ASAP1: variants seen among roughly 807,000 people sequenced by gnomAD.
ASAP1 encodes arf-GAP with SH3 domain, ANK repeat and PH domain-containing protein 1.
ASAP1 carries 43 observed loss-of-function variants against 145.2 expected under a neutral mutation model. That is an observed-to-expected ratio of 0.30 (90% CI 0.23 to 0.38). The LOEUF is 0.38. ASAP1 is among the 10% of genes least tolerant of loss of function. The pLI is 1.00. For synonymous variants in ASAP1, 546 were observed against 515.5 expected (o/e 1.06, Z -0.80); for missense variants, 1,018 against 1,355.3 (o/e 0.75, Z 3.91).
rs142146203 is a variant in ASAP1 at position 130,094,933 on chromosome 8, CAA to C, written c.2402-2792_2402-2791del. 7.9e-3 allele frequency among the ~76,000 whole-genome samples: 1,201 copies of C among 152,220 alleles called. 15 individuals carry two copies. The highest frequency in any genetic ancestry group is 0.028 in the African/African-American group (1,155 of 41,518). ...TTCCCTGCTAGGAAACAAAAATTGTCAAAGACAAAATGCTAATGGAGCCATGT... is the reference window on the plus strand; with the variant it reads ...TTCCCTGCTAGGAAACAAAAATTGTCAGACAAAATGCTAATGGAGCCATGT... On this transcript the variant is annotated intron_variant, in intron 24 of 29. Coordinates refer to ENST00000518721, the MANE Select transcript of ASAP1 (RefSeq NM_018482.4).
intron 3 of ASAP1, among the ~76,000 whole-genome samples, chr8:130,286,223 T>C (rs1163310006): frequency 6.6e-6 from 1 of 152,234 alleles, no homozygotes; most frequent in Admixed American, 6.5e-5. Flanking sequence ...TACATTGCAC[T>C]GTTTCTTATA....
In ASAP1 at chr8:130,092,038, C is replaced by T; in HGVS notation, c.2507G>A (p.Arg836Lys). 3.8e-6 allele frequency: 6 copies of T among 1,576,818 alleles called. No homozygotes were observed. Among genetic ancestry groups the T allele is most frequent in the Non-Finnish European group, 5.1e-6 (6 of 1,165,750 alleles). Residue 836 changes from arginine to lysine, a missense_variant, in exon 25 of 30, where the codon AGA (arginine) becomes AAA (lysine). Arg to Lys is a conservative substitution (Grantham distance 26, BLOSUM62 2). This residue lies in a region of ASAP1 where 353 missense variants were observed against 375.4 expected (regional missense o/e 0.94). Coordinates refer to ENST00000518721, the MANE Select transcript of ASAP1 (RefSeq NM_018482.4). Reference protein sequence around the residue: ...RPPPPPPGHKRTLSDPPSPLP... With the variant: ...RPPPPPPGHKKTLSDPPSPLP... ...TGGGCTGGGAGGGTCGGATAGGGTTCTCTTGTGTCCGGGTGGTGGGGGAGG... is the reference window on the plus strand; with the variant it reads ...TGGGCTGGGAGGGTCGGATAGGGTTTTCTTGTGTCCGGGTGGTGGGGGAGG...
chr8:130,053,208 A>T lies in ASAP1; in HGVS notation c.*1523T>A, dbSNP rs1487758951. 6.6e-6 allele frequency: 1 copy of T among 152,216 alleles called. No homozygotes were observed. Among genetic ancestry groups the T allele is most frequent in the African/African-American group, 2.4e-5 (1 of 41,452 alleles). The allele number at this position is 152,216 out of a possible 1,614,324, so 9.4% of individuals were successfully genotyped here. A position where few individuals can be genotyped will look rare whatever the true frequency, so the allele number is the denominator to read the frequency against. ...GGAGTTGTGCTTCTGTGAAATTAAC[A>T]TCTCTCACTCATTGCCAAGATTCTC... On this transcript the variant is annotated 3_prime_UTR_variant, in exon 30 of 30. Coordinates refer to ENST00000518721, the MANE Select transcript of ASAP1 (RefSeq NM_018482.4).
chr8:130,207,171 T>C (rs1261976640), intron 5 of ASAP1, among the ~76,000 whole-genome samples: 2 of 151,954 alleles, frequency 1.3e-5, no homozygotes, highest in Non-Finnish European at 2.9e-5. Flanking sequence ...GCACTCAAAG[T>C]GGAAGGAATG....
chr8:130,215,088 G>T (rs977854679), intron 4 of ASAP1, among the ~76,000 whole-genome samples: 2 of 151,860 alleles, frequency 1.3e-5, no homozygotes, highest in Non-Finnish European at 2.9e-5. Context: ...TTTTAGTAGA[G>T]ACAGGGTTTC....
chr8:130,177,933 A>G (rs1814079400), intron 9 of ASAP1, among the ~76,000 whole-genome samples: 1 of 152,200 alleles, frequency 6.6e-6, no homozygotes, highest in African/African-American at 2.4e-5. Context: ...ACAGAATCGT[A>G]ACCCAGCTTG....
At chr8:130,151,848 C>T (rs1473870733) in intron 13 of ASAP1, among the ~76,000 whole-genome samples, 1 of 152,204 alleles carries the variant, frequency 6.6e-6, no homozygotes, top group East Asian at 1.9e-4. Flanking sequence ...AGAAAGGCCA[C>T]AAGGACTAAT....
intron 24 of ASAP1, among the ~76,000 whole-genome samples, chr8:130,102,635 T>G (rs534252756): frequency 6.6e-6 from 1 of 152,208 alleles, no homozygotes; most frequent in African/African-American, 2.4e-5. Context: ...AAAATTCCTT[T>G]GTCTTCAATT....
At chr8:130,257,793 C>T in intron 3 of ASAP1, among the ~76,000 whole-genome samples, 1 of 144,894 alleles carries the variant, frequency 6.9e-6, no homozygotes, top group African/African-American at 2.5e-5. Flanking sequence ...AGCACCCCCC[C>T]CCCATTATTT....
intron 5 of ASAP1, among the ~76,000 whole-genome samples, chr8:130,214,148 A>G (rs1031929810): frequency 9.2e-5 from 14 of 152,200 alleles, no homozygotes; most frequent in African/African-American, 2.9e-4. Context: ...AATACTTTCA[A>G]TGTGTATTTC....
intron 3 of ASAP1, among the ~76,000 whole-genome samples, chr8:130,274,328 G>T (rs1452167544): frequency 6.6e-6 from 1 of 152,186 alleles, no homozygotes; most frequent in African/African-American, 2.4e-5. Context: ...GCATTTTTCA[G>T]TAAGTCCAAG....
chr8:130,135,415 G>A (rs762397059), intron 14 of ASAP1, among the ~76,000 whole-genome samples: 8 of 152,142 alleles, frequency 5.3e-5, no homozygotes, highest in Non-Finnish European at 1.5e-5. Context: ...AGCCCAGGAG[G>A]TTGAGGCTGC....
At chr8:130,304,515 G>T (rs373418546) in intron 3 of ASAP1, among the ~76,000 whole-genome samples, 1 of 152,272 alleles carries the variant, frequency 6.6e-6, no homozygotes, top group East Asian at 1.9e-4. Context: ...CAACCTTCAC[G>T]CATCTGCACT....
At chr8:130,214,452 C>A in intron 5 of ASAP1, 104 bp downstream of exon 5, 1 of 1,233,252 alleles carries the variant, frequency 8.1e-7, no homozygotes, top group Non-Finnish European at 1.1e-6. Context: ...TTTCTCACCC[C>A]TAGGACCAAG....
At chr8:130,200,002 T>G (rs1303443365) in intron 5 of ASAP1, among the ~76,000 whole-genome samples, 1 of 152,190 alleles carries the variant, frequency 6.6e-6, no homozygotes, top group Admixed American at 6.5e-5. Flanking sequence ...CTGAAATATT[T>G]CAACAAAGTG....
intron 3 of ASAP1, among the ~76,000 whole-genome samples, chr8:130,345,548 A>T (rs1034867660): frequency 6.6e-6 from 1 of 152,156 alleles, no homozygotes; most frequent in African/African-American, 2.4e-5. Context: ...CTAATACCAA[A>T]GCAAGGCAGG....
chr8:130,164,257 T>C (rs543435847), intron 11 of ASAP1, among the ~76,000 whole-genome samples: 10 of 152,308 alleles, frequency 6.6e-5, no homozygotes, highest in South Asian at 4.1e-4. Flanking sequence ...TTTGGAATAA[T>C]TCTGTATATC....
At chr8:130,220,316 G>T (rs77773581) in intron 4 of ASAP1, among the ~76,000 whole-genome samples, 14,948 of 152,056 alleles carry the variant, frequency 0.098, 874 homozygotes, top group South Asian at 0.26. Context: ...CTAGTTTGTT[G>T]GGTATTGACT....
intron 13 of ASAP1, among the ~76,000 whole-genome samples, chr8:130,146,728 G>A (rs2135911562): frequency 6.6e-6 from 1 of 152,162 alleles, no homozygotes; most frequent in East Asian, 1.9e-4. Flanking sequence ...CTCTGGATGG[G>A]GCAAGAAAAC....
Sources: allele counts gnomAD v4.1 joint callset (sites outside exome capture counted in the v4.1 genomes callset), GRCh38; gene constraint gnomAD v4.1.1; regional missense constraint gnomAD v4.1.1; transcripts MANE v1.5; gene names NCBI Gene and HGNC (gene_info 2026-07-23, HGNC 2026-07-21).